Variants in SLC8A1 observed in about 807,000 individuals in gnomAD.
SLC8A1 encodes the protein sodium/calcium exchanger 1.
In SLC8A1, 18 loss-of-function variants were observed where a neutral mutation model predicts 68.3. The observed-to-expected ratio is 0.26, with a 90% CI of 0.18 to 0.39. The LOEUF is 0.39. SLC8A1 is among the 10% of genes least tolerant of loss of function. The pLI is 1.00. For synonymous variants in SLC8A1, 475 were observed against 415.5 expected (o/e 1.14, Z -1.74); for missense variants, 985 against 1,156.7 (o/e 0.85, Z 2.15).
chr2:40,280,781 T>G (rs2067398370), intron 2 of SLC8A1, among the ~76,000 whole-genome samples: 1 of 152,194 alleles, frequency 6.6e-6, no homozygotes, highest in Non-Finnish European at 1.5e-5. Flanking sequence ...AGGTGACATC[T>G]GAATGGAGTC....
At chr2:40,244,061 A>G (rs983418053) in intron 2 of SLC8A1, among the ~76,000 whole-genome samples, 2 of 150,378 alleles carry the variant, frequency 1.3e-5, no homozygotes, top group Admixed American at 1.3e-4. Context: ...AAAAAAAATG[A>G]ACATCTGAGC....
At chr2:40,292,802 A>G (rs2069579573) in intron 2 of SLC8A1, among the ~76,000 whole-genome samples, 1 of 152,200 alleles carries the variant, frequency 6.6e-6, no homozygotes. Context: ...TGCTAACAGA[A>G]TAGAAAAGGA....
chr2:40,309,297 G>A (rs536419600), intron 2 of SLC8A1, among the ~76,000 whole-genome samples: 1 of 152,236 alleles, frequency 6.6e-6, no homozygotes, highest in Non-Finnish European at 1.5e-5. Context: ...GCAGCTTCCT[G>A]TTGCTGCTAT....
At chr2:40,446,539 A>G (rs1701479357) in intron 1 of SLC8A1, 2 of 152,312 alleles carry the variant, frequency 1.3e-5, no homozygotes, top group Middle Eastern at 6.8e-3. Context: ...AACCACGTCC[A>G]ATGTTCTCTT....
intron 2 of SLC8A1, among the ~76,000 whole-genome samples, chr2:40,211,554 G>A (rs891218664): frequency 1.3e-5 from 2 of 152,192 alleles, no homozygotes; most frequent in South Asian, 4.1e-4. Flanking sequence ...TCATGTTTAG[G>A]TGGTGGGAAG....
rs948807683 is a variant in SLC8A1 at position 40,366,131 on chromosome 2, A to G, written c.1808+62342T>C. Among the ~76,000 whole-genome samples, 7 of 152,036 alleles carry G rather than the reference A, an allele frequency of 4.6e-5. No homozygotes were observed. The South Asian group carries it at 8.3e-4, about 18-fold the overall frequency. On this transcript the variant is annotated intron_variant, in intron 2 of 7. Transcript: ENST00000406785. ...TGCTTCCTTTATCTCTACATTCTCTATTTGTAAAATGGGGATAATAAGAGC... is the reference window on the plus strand; with the variant it reads ...TGCTTCCTTTATCTCTACATTCTCTGTTTGTAAAATGGGGATAATAAGAGC...
At chr2:40,423,145 T>C (rs2149756002) in intron 2 of SLC8A1, among the ~76,000 whole-genome samples, 1 of 152,234 alleles carries the variant, frequency 6.6e-6, no homozygotes, top group South Asian at 2.1e-4. Context: ...CAAAATGTAC[T>C]TTTACTTAGC....
At chr2:40,463,799 G>A (rs1039690365) in intron 1 of SLC8A1, among the ~76,000 whole-genome samples, 1 of 150,030 alleles carries the variant, frequency 6.7e-6, no homozygotes, top group South Asian at 2.1e-4. Context: ...ACAGACAAGG[G>A]AGGAGGATTA....
intron 2 of SLC8A1, among the ~76,000 whole-genome samples, chr2:40,327,651 A>G (rs576643742): frequency 2.6e-5 from 4 of 152,324 alleles, no homozygotes; most frequent in African/African-American, 9.6e-5. Context: ...GAATTAATGC[A>G]GGAACAGAAA....
intron 4 of SLC8A1, among the ~76,000 whole-genome samples, chr2:40,170,662 A>G (rs557623105): frequency 1.2e-4 from 19 of 152,364 alleles, no homozygotes; most frequent in Middle Eastern, 6.8e-3. Flanking sequence ...TGATGTGTCA[A>G]GGTCCTTCAA....
At chr2:40,352,432 C>G (rs1671385604) in intron 2 of SLC8A1, among the ~76,000 whole-genome samples, 1 of 152,094 alleles carries the variant, frequency 6.6e-6, no homozygotes, top group African/African-American at 2.4e-5. Flanking sequence ...AATGGATGTT[C>G]TATTCATTGT....
chr2:40,309,109 T>C (rs949730633), intron 2 of SLC8A1, among the ~76,000 whole-genome samples: 1 of 152,200 alleles, frequency 6.6e-6, no homozygotes, highest in African/African-American at 2.4e-5. Context: ...TGTTTTGTTA[T>C]TGTTGATGTT....
At chr2:40,365,736 A>G (rs1675955727) in intron 2 of SLC8A1, among the ~76,000 whole-genome samples, 1 of 152,036 alleles carries the variant, frequency 6.6e-6, no homozygotes, top group Non-Finnish European at 1.5e-5. Context: ...TGCAGTAGCG[A>G]GCACCTATAA....
At chr2:40,399,662 T>C (rs921472004) in intron 2 of SLC8A1, among the ~76,000 whole-genome samples, 3 of 152,184 alleles carry the variant, frequency 2.0e-5, no homozygotes, top group Non-Finnish European at 2.9e-5. Flanking sequence ...GAAATACTAA[T>C]ATTAAGTAAA....
intron 1 of SLC8A1, among the ~76,000 whole-genome samples, chr2:40,496,574 A>G (rs1044088601): frequency 2.0e-5 from 3 of 152,164 alleles, no homozygotes; most frequent in Middle Eastern, 3.4e-3. Flanking sequence ...AATCATTACA[A>G]GCAGGGTATT....
At chr2:40,378,744 T>A (rs1450602024) in intron 2 of SLC8A1, among the ~76,000 whole-genome samples, 2 of 152,092 alleles carry the variant, frequency 1.3e-5, no homozygotes, top group Non-Finnish European at 1.5e-5. Flanking sequence ...CAGCCAGGTA[T>A]CACACACATG....
At position 40,277,775 on chromosome 2, in the gene SLC8A1, TAA is replaced by T. The variant is rs751471523; in HGVS notation, c.1809-99922_1809-99921del. 1.9e-3 allele frequency among the ~76,000 whole-genome samples: 254 copies of T among 132,364 alleles called. 1 individual carries two copies. Among genetic ancestry groups the T allele is most frequent in the Non-Finnish European group, 3.0e-3 (191 of 64,152 alleles). 86.8% of individuals were successfully genotyped at this position (132,364 alleles called of 152,430 possible). A position where few individuals can be genotyped will look rare whatever the true frequency, so the allele number is the denominator to read the frequency against. ...ATATACGTACATATAAACATATGTA[TAA>T]ATATATATATATGTGTGTATATATA... is the stretch of plus-strand genomic sequence containing the variant. On this transcript the variant is annotated intron_variant, in intron 2 of 7. Transcript: ENST00000406785.
At chr2:40,176,806 C>A (rs1256784202) in intron 3 of SLC8A1, among the ~76,000 whole-genome samples, 1 of 152,102 alleles carries the variant, frequency 6.6e-6, no homozygotes, top group Non-Finnish European at 1.5e-5. Flanking sequence ...TGTTTGTATG[C>A]AACTAATAAG....
chr2:40,370,643 T>C (rs895953550), intron 2 of SLC8A1, among the ~76,000 whole-genome samples: 4 of 152,086 alleles, frequency 2.6e-5, no homozygotes. Flanking sequence ...ATATGTTAAA[T>C]TGACAAATGA....
Sources: allele counts gnomAD v4.1 joint callset (sites outside exome capture counted in the v4.1 genomes callset), GRCh38; gene constraint gnomAD v4.1.1; transcripts MANE v1.5; gene names NCBI Gene and HGNC (gene_info 2026-07-23, HGNC 2026-07-21).